The following COL28A1 variants were observed in gnomAD, a reference collection of about 807,000 sequenced individuals.
The protein encoded by COL28A1 is collagen type XXVIII alpha 1 chain, also known as collagen alpha-1(XXVIII) chain.
In COL28A1, 161 loss-of-function variants were observed where a neutral mutation model predicts 150.2. That is an observed-to-expected ratio of 1.07 (90% CI 0.94 to 1.22). COL28A1 has a LOEUF of 1.22. Among genes scored for constraint, COL28A1 ranks in the 50% most tolerant of loss-of-function variants. COL28A1 has a pLI of 0.00. For synonymous variants in COL28A1, 552 were observed against 469.7 expected (o/e 1.18, Z -2.26); for missense variants, 1,617 against 1,388.3 (o/e 1.16, Z -2.62).
chr7:7,460,972 T>C (rs1787570239), intron 15 of COL28A1, among the ~76,000 whole-genome samples: 1 of 152,100 alleles, frequency 6.6e-6, no homozygotes, highest in Admixed American at 6.5e-5. Context: ...ACTGTGAACC[T>C]TTGCTCTAGA....
In COL28A1 at chr7:7,443,609, A is replaced by C. The variant is rs1413814903; in HGVS notation, c.1626T>G (p.Pro542=). 2 of 1,614,098 alleles carry C rather than the reference A, an allele frequency of 1.2e-6. No individual in the cohort carries two copies. Among genetic ancestry groups the C allele is most frequent in the East Asian group, 2.2e-5 (1 of 44,880 alleles). ...CCTTGGGGCCAGGCTGTCCTTTTCCAGGTGGTCCTTCTGGGCCTCTTGCTC... is the reference window on the plus strand; with the variant it reads ...CCTTGGGGCCAGGCTGTCCTTTTCCCGGTGGTCCTTCTGGGCCTCTTGCTC... ...LPGARGPEGP[P]GKGQPGPKGD... is the part of the protein sequence containing the mutation. The change falls in exon 20 of 35, where the codon CCT becomes CCG. Residue 542 remains proline (P), a synonymous_variant. Transcript: ENST00000399429.
intron 26 of COL28A1, among the ~76,000 whole-genome samples, chr7:7,418,929 G>A (rs938633668): frequency 6.6e-6 from 1 of 152,112 alleles, no homozygotes; most frequent in African/African-American, 2.4e-5. Context: ...GATAAACTGA[G>A]AATCTTGGTA....
At chr7:7,493,169 C>G (rs1461901879) in intron 11 of COL28A1, among the ~76,000 whole-genome samples, 2 of 151,654 alleles carry the variant, frequency 1.3e-5, no homozygotes, top group African/African-American at 4.8e-5. Flanking sequence ...TTCACTTATT[C>G]TATTCATTTT....
At chr7:7,352,284 G>A (rs192873063), downstream of COL28A1, among the ~76,000 whole-genome samples, 65 of 152,216 alleles carry the variant, frequency 4.3e-4, 1 homozygote, top group African/African-American at 1.5e-3. Context: ...GCATGTCTTC[G>A]CTCTTAAGTA....
intron 22 of COL28A1, among the ~76,000 whole-genome samples, chr7:7,436,834 G>C (rs1785379736): frequency 6.6e-6 from 1 of 152,168 alleles, no homozygotes; most frequent in South Asian, 2.1e-4. Flanking sequence ...GAATCCAGGA[G>C]TTCAAGATGA....
At chr7:7,430,230 A>C (rs755021539) in intron 25 of COL28A1, among the ~76,000 whole-genome samples, 1 of 151,988 alleles carries the variant, frequency 6.6e-6, no homozygotes, top group Non-Finnish European at 1.5e-5. Flanking sequence ...GGGTTCAAGC[A>C]ATTCTCCTGC....
chr7:7,455,442 A>C (rs1787069659), intron 16 of COL28A1, among the ~76,000 whole-genome samples: 1 of 152,232 alleles, frequency 6.6e-6, no homozygotes, highest in African/African-American at 2.4e-5. Context: ...AAATGGTTCT[A>C]ATCACGAATG....
chr7:7,530,713 T>C (rs1554294449), intron 3 of COL28A1, among the ~76,000 whole-genome samples: 1 of 152,176 alleles, frequency 6.6e-6, no homozygotes, highest in Non-Finnish European at 1.5e-5. Context: ...TGACCAGACC[T>C]ATCAAGTGGG....
Position 7,358,295 on chromosome 7 carries a change from T to C in COL28A1, c.*338A>G, listed in dbSNP as rs1315183198. 3 of 184,682 alleles carry C rather than the reference T, an allele frequency of 1.6e-5. No homozygotes were observed. The highest frequency in any genetic ancestry group is 3.3e-5 in the Non-Finnish European group (3 of 89,606). 11.4% of individuals were successfully genotyped at this position (184,682 alleles called of 1,614,324 possible). A position where few individuals can be genotyped will look rare whatever the true frequency, so the allele number is the denominator to read the frequency against. ...TAGGGGTTTGAGCTGACATAGTACATACAACAGGAATTAAAGGAATCAGAA... is the reference window on the plus strand; with the variant it reads ...TAGGGGTTTGAGCTGACATAGTACACACAACAGGAATTAAAGGAATCAGAA... On this transcript the variant is annotated 3_prime_UTR_variant, in exon 35 of 35. Transcript: ENST00000399429.
chr7:7,432,702 T>G lies in COL28A1; in HGVS notation c.1861-2A>C, dbSNP rs1370528656. The stretch of plus-strand genomic sequence containing the variant: ...TGGTCCCCGAGGGCCTTGGACACCC[T>G]GGGTAAATTCCAACATCAGTGATAT... On this transcript the variant is annotated splice_acceptor_variant, in intron 23 of 34. Coordinates refer to ENST00000399429, the MANE Select transcript of COL28A1 (RefSeq NM_001037763.3). LOFTEE classifies it high-confidence loss of function. 1 of 1,612,696 alleles carries G rather than the reference T, an allele frequency of 6.2e-7. No homozygotes were observed. The highest frequency in any genetic ancestry group is 1.3e-5 in the African/African-American group (1 of 74,896).
chr7:7,480,177 C>T (rs1789273486), intron 13 of COL28A1, among the ~76,000 whole-genome samples: 1 of 152,166 alleles, frequency 6.6e-6, no homozygotes, highest in African/African-American at 2.4e-5. Context: ...AGTGACTGAT[C>T]ATAGTTATAG....
In COL28A1 at chr7:7,531,884, T is replaced by C. The variant is rs749371696; in HGVS notation, c.145A>G (p.Ile49Val). ...TCAGAGCTGTCCACGATGAAGACAA[T>C]ATCTATGAAACAAATGGAGCCTGAA... ...DVQGSICFID[I>V]VFIVDSSESS... The change falls in exon 3 of 35, where the codon ATT becomes GTT. Residue 49 changes from isoleucine to valine, a missense_variant. By Grantham distance (29) the Ile-to-Val change is conservative. Transcript: ENST00000399429. The C allele has an allele frequency of 6.2e-7, 1 of 1,604,006 alleles. No homozygotes were observed. Among genetic ancestry groups the C allele is most frequent in the Non-Finnish European group, 8.5e-7 (1 of 1,171,712 alleles).
chr7:7,420,255 A>C (rs1784327356), intron 25 of COL28A1: 1 of 194,368 alleles, frequency 5.1e-6, no homozygotes, highest in Non-Finnish European at 1.0e-5. Context: ...AAGAGACAAG[A>C]ATAAAAAACA....
At chr7:7,448,739 G>A (rs1786460039) in intron 18 of COL28A1, among the ~76,000 whole-genome samples, 1 of 151,794 alleles carries the variant, frequency 6.6e-6, no homozygotes, top group African/African-American at 2.4e-5. Context: ...ATAAATTGTG[G>A]TATATCCATA....
At chr7:7,489,139 C>T (rs1021659286) in intron 13 of COL28A1, among the ~76,000 whole-genome samples, 12 of 152,034 alleles carry the variant, frequency 7.9e-5, no homozygotes, top group South Asian at 6.2e-4. Context: ...GGCCTGGTGA[C>T]GTGCACTTGT....
intron 5 of COL28A1, 105 bp downstream of exon 5, chr7:7,521,800 C>T (rs1781739487): frequency 6.8e-6 from 5 of 736,946 alleles, no homozygotes; most frequent in Non-Finnish European, 7.5e-6. Context: ...CATTTCCAAA[C>T]AATTGCTTTT....
chr7:7,450,399 G>C (rs1374222561), intron 18 of COL28A1, among the ~76,000 whole-genome samples: 1 of 151,928 alleles, frequency 6.6e-6, no homozygotes, highest in African/African-American at 2.4e-5. Flanking sequence ...ATCACAAAGG[G>C]ATAGAAATAT....
In COL28A1 at chr7:7,439,760, G is replaced by A. The variant is rs375892888; in HGVS notation, c.1722+1030C>T. Among the ~76,000 whole-genome samples the A allele has an allele frequency of 5.3e-5, 8 of 152,276 alleles. 1 individual carries two copies. Among genetic ancestry groups the A allele is most frequent in the African/African-American group, 1.9e-4 (8 of 41,554 alleles). On this transcript the variant is annotated intron_variant, in intron 21 of 34. Coordinates refer to ENST00000399429, the MANE Select transcript of COL28A1 (RefSeq NM_001037763.3). ...CTTCCTGAACTCCCTGCAGCACAGG[G>A]CATTTACTTGAGAAGCACAGATTCC...
chr7:7,419,278 C>A (rs1784269921), intron 26 of COL28A1, among the ~76,000 whole-genome samples: 1 of 152,192 alleles, frequency 6.6e-6, no homozygotes, highest in African/African-American at 2.4e-5. Flanking sequence ...CATCTCTGGA[C>A]TTGATCTACT....
Sources: gnomAD v4.1 joint callset for allele counts (sites outside exome capture counted in the v4.1 genomes callset) on GRCh38, gnomAD v4.1.1 for gene constraint, MANE v1.5 for transcripts, NCBI Gene and HGNC (gene_info 2026-07-23, HGNC 2026-07-21) for gene names.